The following CES3 variants were observed in gnomAD, a reference collection of about 807,000 sequenced individuals.
CES3 encodes carboxylesterase 3, also known as carboxylesterase 3 (brain).
A neutral mutation model predicts 57.6 loss-of-function variants in CES3; 49 were observed. That is an observed-to-expected ratio of 0.85 (90% CI 0.68 to 1.08). The LOEUF (loss-of-function observed/expected upper bound fraction) is 1.08, where lower values mean the gene tolerates loss of function less well. Ranked by LOEUF, CES3 falls within the 50% of genes least tolerant of loss-of-function variation. CES3 has a pLI of 0.00. For missense variants in CES3, 645 were observed against 742.0 expected (o/e 0.87, Z 1.52); for synonymous variants, 266 against 281.6 (o/e 0.94, Z 0.55).
intron 6 of CES3, 142 bp from the exon 7 acceptor site, chr16:66,966,102 C>A: frequency 1.4e-6 from 1 of 699,496 alleles, no homozygotes; most frequent in South Asian, 1.8e-5. Context: ...GGAGTGGTGA[C>A]AAGTCTGTGA....
chr16:66,966,856 C>G lies in CES3; in HGVS notation c.1053C>G (p.Leu351=). 6.2e-7 allele frequency: 1 copy of G among 1,614,052 alleles called. No homozygotes were observed. The highest frequency in any genetic ancestry group is 8.5e-7 in the Non-Finnish European group (1 of 1,180,018). Residue 351 remains leucine (L), a synonymous_variant, in exon 8 of 13, where the codon CTC becomes CTG. Coordinates refer to ENST00000303334, the MANE Select transcript of CES3 (RefSeq NM_024922.6). ...MGVNNHEFSW[L]IPRGWGLLDT... is the part of the protein sequence containing the mutation. ...TCAACAACCATGAGTTCAGCTGGCT[C>G]ATCCCCAGGGTGAGTTGCTCCCACC...
chr16:66,972,883 G>C lies in CES3; in HGVS notation c.1550G>C (p.Trp517Ser), dbSNP rs762202201. 5.0e-6 allele frequency: 8 copies of C among 1,614,150 alleles called. No homozygotes were observed. Among genetic ancestry groups the C allele is most frequent in the Non-Finnish European group, 5.9e-6 (7 of 1,180,030 alleles). The change falls in exon 13 of 13, where the codon TGG becomes TCG. Residue 517 changes from tryptophan (W) to serine (S), a missense_variant. Coordinates refer to ENST00000303334, the MANE Select transcript of CES3 (RefSeq NM_024922.6). Reference sequence around the variant, plus strand: ...CCCAATAGCAAGGCTCTGCCTCCTTGGCCCCAATTCAACCAGGCGGAACAA... The same window carrying C: ...CCCAATAGCAAGGCTCTGCCTCCTTCGCCCCAATTCAACCAGGCGGAACAA... Reference protein sequence around the residue: ...GDPNSKALPPWPQFNQAEQYL... With the variant: ...GDPNSKALPPSPQFNQAEQYL...
chr16:66,963,694 G>T lies in CES3; in HGVS notation c.426+65G>T, dbSNP rs753325108. The T allele has an allele frequency of 6.2e-7, 1 of 1,612,806 alleles. No homozygotes were observed. Among genetic ancestry groups the T allele is most frequent in the Non-Finnish European group, 8.5e-7 (1 of 1,179,574 alleles). The stretch of plus-strand genomic sequence containing the variant: ...CACTATGCCTACCTGTCCCCTCCCC[G>T]TCCCTGTTTCCAAAGCACCCTAGCG... On this transcript the variant is annotated intron_variant, in intron 3 of 12. Transcript: ENST00000303334. This position sits in a 1 kb window ranked among gnomAD's most constrained non-coding sequence, Gnocchi z 4.9.
intron 4 of CES3, 111 bp from the exon 5 acceptor site, chr16:66,964,246 G>A (rs943884024): frequency 6.9e-7 from 1 of 1,446,146 alleles, no homozygotes; most frequent in Non-Finnish European, 9.3e-7. Flanking sequence ...AGACAGGCCA[G>A]ACCTGGGGAG....
chr16:66,966,573 G>T (rs1369677720), intron 7 of CES3, 152 bp from the exon 8 acceptor site: 2 of 1,017,800 alleles, frequency 2.0e-6, no homozygotes, highest in Non-Finnish European at 2.9e-6. Context: ...TGATCTCCTG[G>T]TTCCCCCGAC....
At chr16:66,972,776 T>TG in intron 12 of CES3, 30 bp downstream of exon 12, 1 of 1,614,136 alleles carries the variant, frequency 6.2e-7, no homozygotes, top group Non-Finnish European at 8.5e-7. Context: ...TAGCTCGCTT[T>TG]GGGCCTGGGA....
chr16:66,963,418 G>A lies in CES3; in HGVS notation c.287+35G>A. 6.2e-7 allele frequency: 1 copy of A among 1,611,336 alleles called. No homozygotes were observed. The highest frequency in any genetic ancestry group is 8.5e-7 in the Non-Finnish European group (1 of 1,178,152). The stretch of plus-strand genomic sequence containing the variant: ...GCTGGTGGAGGCGGGCAAACAGGCA[G>A]GTTGCAGGAGAATCCTGCTGCTGGG... On this transcript the variant is annotated intron_variant, in intron 2 of 12. Transcript: ENST00000303334. The surrounding 1 kb of genome is among the most constrained non-coding windows in gnomAD (Gnocchi z 4.9).
Position 66,961,380 on chromosome 16 carries a change from ACAGCCACT to A in CES3, c.74_81del (p.Thr25ArgfsTer8). On this transcript the variant is annotated frameshift_variant and splice_region_variant, in exon 1 of 13. Transcript: ENST00000303334. LOFTEE classifies it high-confidence loss of function. Reference sequence around the variant, plus strand: ...CTGTCTGCTCCTGGCATGCCCTGCCACAGCCACTGGTAAGACACACCTGCTGGGCCTGC... The same window carrying A: ...CTGTCTGCTCCTGGCATGCCCTGCCAGGTAAGACACACCTGCTGGGCCTGC... The A allele has an allele frequency of 6.2e-7, 1 of 1,611,824 alleles. No individual in the cohort carries two copies.
intron 10 of CES3, among the ~76,000 whole-genome samples, chr16:66,971,638 G>C (rs746490728): frequency 6.6e-6 from 1 of 152,030 alleles, no homozygotes; most frequent in African/African-American, 2.4e-5. Flanking sequence ...CAGCACTTCT[G>C]GGGGGAAAGT....
intron 10 of CES3, among the ~76,000 whole-genome samples, chr16:66,971,800 TA>T (rs1963838297): frequency 6.6e-6 from 1 of 152,162 alleles, no homozygotes; most frequent in African/African-American, 2.4e-5. Flanking sequence ...TCTAATCTAT[TA>T]ATTCTATTAA....
chr16:66,971,225 C>T lies in CES3; in HGVS notation c.1197C>T (p.Asn399=). 1 of 1,614,124 alleles carries T rather than the reference C, an allele frequency of 6.2e-7. No homozygotes were observed. ...PTVIDEYLGS[N]SDAQAKCQAF... is the part of the protein sequence containing the mutation. ...TCATAGATGAATACCTAGGAAGCAACTCGGACGCACAAGCCAAATGCCAGG... is the reference window on the plus strand; with the variant it reads ...TCATAGATGAATACCTAGGAAGCAATTCGGACGCACAAGCCAAATGCCAGG... The change falls in exon 10 of 13, where the codon AAC becomes AAT. Residue 399 remains asparagine, a synonymous_variant. Transcript: ENST00000303334.
chr16:66,964,072 A>C (rs1597019540), intron 4 of CES3, 137 bp downstream of exon 4: 2 of 1,322,458 alleles, frequency 1.5e-6, no homozygotes, highest in East Asian at 2.4e-5. Flanking sequence ...AGAGAAGGGC[A>C]CCCCCCAAGC....
At position 66,974,893 on chromosome 16, in the gene CES3, T is replaced by C. The variant is rs12448417; in HGVS notation, c.*1844T>C. Reference sequence around the variant, plus strand: ...TTGGAGAACCTTTGTGTCCACACTCTGTATCTAGCTAATCTAGTGGGGATG... The same window carrying C: ...TTGGAGAACCTTTGTGTCCACACTCCGTATCTAGCTAATCTAGTGGGGATG... On this transcript the variant is annotated 3_prime_UTR_variant, in exon 13 of 13. Transcript: ENST00000303334. 0.055 allele frequency: 8,425 copies of C among 152,304 alleles called. 427 individuals carry two copies. The highest frequency in any genetic ancestry group is 0.23 in the East Asian group (1,190 of 5,176). The allele number at this position is 152,304 out of a possible 1,614,324, so 9.4% of individuals were successfully genotyped here.
chr16:66,967,555 C>T (rs1365519667), intron 8 of CES3: 29 of 985,326 alleles, frequency 2.9e-5, no homozygotes, highest in Admixed American at 6.2e-5. Context: ...GAGCCAAGTC[C>T]CTTCCATTCC....
chr16:66,963,511 G>A lies in CES3; in HGVS notation c.308G>A (p.Ser103Asn), dbSNP rs759830169. 1 of 1,614,048 alleles carries A rather than the reference G, an allele frequency of 6.2e-7. No homozygotes were observed. Among genetic ancestry groups the A allele is most frequent in the Non-Finnish European group, 8.5e-7 (1 of 1,179,898 alleles). The change falls in exon 3 of 13, where the codon AGC (serine) becomes AAC (asparagine). Residue 103 changes from serine to asparagine, a missense_variant. Coordinates refer to ENST00000303334, the MANE Select transcript of CES3 (RefSeq NM_024922.6). This position sits in a 1 kb window ranked among gnomAD's most constrained non-coding sequence, Gnocchi z 4.9. ...CACAGGTGCCTACAAGACGTGGAGAGCATGAACAGCAGCAGATTTGTCCTC... is the reference window on the plus strand; with the variant it reads ...CACAGGTGCCTACAAGACGTGGAGAACATGAACAGCAGCAGATTTGTCCTC... ...APPMCLQDVE[S>N]MNSSRFVLNG... is the part of the protein sequence containing the mutation.
chr16:66,973,039 A>G lies in CES3; in HGVS notation c.1706A>G (p.Glu569Gly). 6.2e-7 allele frequency: 1 copy of G among 1,613,710 alleles called. No homozygotes were observed. Among genetic ancestry groups the G allele is most frequent in the Non-Finnish European group, 8.5e-7 (1 of 1,179,874 alleles). The part of the protein sequence containing the change: ...HQKQKNRKAQ[E>G]DL ...AAGCAGAAGAACAGGAAGGCCCAGG[A>G]GGACCTCTGAGGCCAGGCCTGAACC... is the stretch of plus-strand genomic sequence containing the variant. The change falls in exon 13 of 13, where the codon GAG becomes GGG. Residue 569 changes from glutamate to glycine, a missense_variant. By Grantham distance (98) the Glu-to-Gly change is moderately conservative. Transcript: ENST00000303334.
At chr16:66,971,781 A>G (rs1246936082) in intron 10 of CES3, among the ~76,000 whole-genome samples, 1 of 152,176 alleles carries the variant, frequency 6.6e-6, no homozygotes, top group Non-Finnish European at 1.5e-5. Context: ...AATGGAAATA[A>G]TAATAGAATC....
At chr16:66,966,915 C>G (rs1270566869) in intron 8 of CES3, 50 bp downstream of exon 8, 9 of 1,602,478 alleles carry the variant, frequency 5.6e-6, no homozygotes, top group Non-Finnish European at 7.7e-6. Flanking sequence ...CCAGCCAGTA[C>G]CTGCCACCCC....
At chr16:66,971,742 C>T (rs769082462) in intron 10 of CES3, among the ~76,000 whole-genome samples, 2 of 152,136 alleles carry the variant, frequency 1.3e-5, no homozygotes, top group Non-Finnish European at 2.9e-5. Context: ...ATACCTACCC[C>T]CTCTGAGCCT....
Sources: gnomAD v4.1 joint callset for allele counts (sites outside exome capture counted in the v4.1 genomes callset) on GRCh38, gnomAD v4.1.1 for gene constraint, Gnocchi (gnomAD v3.1) non-coding constraint, MANE v1.5 for transcripts, NCBI Gene and HGNC (gene_info 2026-07-23, HGNC 2026-07-21) for gene names.